KMT2E: variants seen among roughly 807,000 people sequenced by gnomAD.
The protein encoded by KMT2E is histone reader KMT2E.
A neutral mutation model predicts 184.6 loss-of-function variants in KMT2E; 30 were observed. The ratio of observed to expected loss-of-function variants is 0.16; its 90% CI spans 0.12 to 0.22. The LOEUF is 0.22. Ranked by LOEUF, KMT2E falls within the 10% of genes least tolerant of loss-of-function variation. The pLI is 1.00. For synonymous variants in KMT2E, 815 were observed against 776.5 expected, an observed-to-expected ratio of 1.05 and a Z score of -0.82; for missense variants, 2,023 against 2,237.4, an observed-to-expected ratio of 0.90 and a Z score of 1.93.
intron 5 of KMT2E, chr7:105,063,907 A>G (rs1386876896): frequency 2.2e-6 from 1 of 452,596 alleles, no homozygotes; most frequent in African/African-American, 2.0e-5. Flanking sequence ...AGTCTTTTGT[A>G]TTTCCTTTGG....
At chr7:105,071,011 A>G (rs185581562) in intron 6 of KMT2E, among the ~76,000 whole-genome samples, 65 of 152,316 alleles carry the variant, frequency 4.3e-4, no homozygotes, top group Admixed American at 7.8e-4. Context: ...AGTTAAGTCT[A>G]ACTCATCCCT....
intron 7 of KMT2E, 106 bp downstream of exon 7, chr7:105,073,783 C>A: frequency 1.5e-6 from 1 of 681,676 alleles, no homozygotes; most frequent in South Asian, 1.9e-5. Flanking sequence ...AATGTAAATA[C>A]CTTGTTGATG....
intron 3 of KMT2E, among the ~76,000 whole-genome samples, chr7:105,050,770 C>T (rs1278753547): frequency 6.6e-6 from 1 of 151,640 alleles, no homozygotes; most frequent in Non-Finnish European, 1.5e-5. Context: ...TGCTCTGTCA[C>T]CCAGGCTGGA....
At chr7:105,073,724 GAA>G (rs756563366) in intron 7 of KMT2E, 47 bp downstream of exon 7, 67 of 1,116,472 alleles carry the variant, frequency 6.0e-5, no homozygotes, top group Non-Finnish European at 8.4e-5. Flanking sequence ...GTGATTGAGA[GAA>G]TAAACGGTTC....
intron 1 of KMT2E, among the ~76,000 whole-genome samples, chr7:105,017,225 G>T (rs1794751740): frequency 6.6e-6 from 1 of 152,152 alleles, no homozygotes; most frequent in East Asian, 1.9e-4. Context: ...AACACTGCCT[G>T]TGCCCGATGG....
chr7:105,099,035 T>TATAC (rs1295250276), intron 15 of KMT2E, among the ~76,000 whole-genome samples: 1 of 152,178 alleles, frequency 6.6e-6, no homozygotes, highest in Non-Finnish European at 1.5e-5. Context: ...ATAGGTACCA[T>TATAC]ATACATGGCT....
At chr7:105,050,781 G>A (rs1046859801) in intron 3 of KMT2E, among the ~76,000 whole-genome samples, 4 of 151,398 alleles carry the variant, frequency 2.6e-5, no homozygotes, top group Admixed American at 6.6e-5. Flanking sequence ...CCAGGCTGGA[G>A]TGCAATGGCA....
intron 26 of KMT2E, chr7:105,111,260 T>C (rs1036327422): frequency 1.1e-5 from 2 of 187,732 alleles, no homozygotes; most frequent in African/African-American, 4.8e-5. Context: ...GATGTAATAA[T>C]CTAGTATGGC....
chr7:105,037,780 A>G (rs568237593), intron 1 of KMT2E, among the ~76,000 whole-genome samples: 1 of 151,668 alleles, frequency 6.6e-6, no homozygotes, highest in Admixed American at 6.6e-5. Context: ...CCTACTTGAG[A>G]GTCTTGTTTG....
In KMT2E at chr7:105,052,027, G is replaced by T. The variant is rs75557342; in HGVS notation, c.72-10137G>T. Among the ~76,000 whole-genome samples, 456 of 152,210 alleles carry T rather than the reference G, an allele frequency of 3.0e-3. 14 individuals carry two copies. In the East Asian group the frequency reaches 0.062, roughly 21 times the overall value. On this transcript the variant is annotated intron_variant, in intron 3 of 26. Coordinates refer to ENST00000311117, the MANE Select transcript of KMT2E (RefSeq NM_182931.3). ...TGCCTTCTATCATTTATTTTCTGTA[G>T]AAGCTACTATGCTTCTTCTGAAGCA...
rs1373185638 is a variant in KMT2E at position 105,084,876 on chromosome 7, A to G, written c.1358+3079A>G. ...AGTTTTAAATAGTTATGATTTAATA[A>G]TATGTCTTTACATGACTGGAGTGTG... On this transcript the variant is annotated intron_variant, in intron 13 of 26. Transcript: ENST00000311117. Among the ~76,000 whole-genome samples the G allele has an allele frequency of 3.3e-5, 5 of 152,268 alleles. No individual in the cohort carries two copies. The East Asian group carries it at 9.6e-4, about 29-fold the overall frequency.
chr7:105,072,313 G>A (rs891131288), intron 6 of KMT2E, among the ~76,000 whole-genome samples: 6 of 152,062 alleles, frequency 3.9e-5, no homozygotes, highest in African/African-American at 7.2e-5. Flanking sequence ...GCAACAGAGC[G>A]AGACTCCGTC....
chr7:105,106,272 C>T (rs374397656), intron 19 of KMT2E, among the ~76,000 whole-genome samples: 1 of 152,128 alleles, frequency 6.6e-6, no homozygotes, highest in Admixed American at 6.5e-5. Context: ...AAAGTAACAT[C>T]GGTACTTGTA....
At chr7:105,028,254 C>T (rs1242152140) in intron 1 of KMT2E, among the ~76,000 whole-genome samples, 7 of 151,746 alleles carry the variant, frequency 4.6e-5, no homozygotes, top group African/African-American at 7.3e-5. Flanking sequence ...CTGCAACCTC[C>T]GCCTCCTGTG....
intron 3 of KMT2E, among the ~76,000 whole-genome samples, chr7:105,051,891 A>G (rs1562892966): frequency 2.0e-5 from 3 of 152,166 alleles, no homozygotes; most frequent in Non-Finnish European, 2.9e-5. Context: ...GCCTGGCCAA[A>G]AGTATATTTT....
intron 5 of KMT2E, among the ~76,000 whole-genome samples, chr7:105,065,634 A>G (rs1236752460): frequency 1.3e-5 from 2 of 152,182 alleles, no homozygotes; most frequent in African/African-American, 4.8e-5. Flanking sequence ...CTTAACAACA[A>G]TTGTAACAGC....
intron 1 of KMT2E, among the ~76,000 whole-genome samples, chr7:105,026,577 G>T (rs893028953): frequency 1.3e-5 from 2 of 152,116 alleles, no homozygotes; most frequent in African/African-American, 2.4e-5. Context: ...AGATTGTGTG[G>T]TTTTTTCAAA....
chr7:105,044,225 C>G (rs1796005870), intron 3 of KMT2E, among the ~76,000 whole-genome samples: 1 of 151,960 alleles, frequency 6.6e-6, no homozygotes, highest in African/African-American at 2.4e-5. Context: ...CTTTGGGTAA[C>G]TCTAGTCTAA....
intron 9 of KMT2E, among the ~76,000 whole-genome samples, chr7:105,076,529 C>T (rs1797531928): frequency 6.6e-6 from 1 of 152,124 alleles, no homozygotes; most frequent in South Asian, 2.1e-4. Context: ...TCAGAATGAT[C>T]GATGGTAGCT....
Sources: allele counts gnomAD v4.1 joint callset (sites outside exome capture counted in the v4.1 genomes callset), GRCh38; gene constraint gnomAD v4.1.1; transcripts MANE v1.5; gene names NCBI Gene and HGNC (gene_info 2026-07-23, HGNC 2026-07-21).